DHX37: variants seen among roughly 807,000 people sequenced by gnomAD.
DHX37 encodes the protein probable ATP-dependent RNA helicase DHX37.
A neutral mutation model predicts 134.3 loss-of-function variants in DHX37; 52 were observed. That is an observed-to-expected ratio of 0.39 (90% CI 0.31 to 0.49). The LOEUF (loss-of-function observed/expected upper bound fraction) is 0.49, where lower values mean the gene tolerates loss of function less well. Among genes scored for constraint, DHX37 ranks in the 20% least tolerant of loss-of-function variants. The probability of loss-of-function intolerance (pLI) is 0.93; values close to 1 mark genes in which losing one functional copy is unlikely to be tolerated. For missense variants in DHX37, 1,344 were observed against 1,580.8 expected, an observed-to-expected ratio of 0.85 and a Z score of 2.54; for synonymous variants, 634 against 670.7, an observed-to-expected ratio of 0.95 and a Z score of 0.85.
At chr12:124,965,574 A>G (rs970794615) in intron 13 of DHX37, 94 bp downstream of exon 13, 66 of 1,462,768 alleles carry the variant, frequency 4.5e-5, no homozygotes, top group Non-Finnish European at 5.5e-5. Context: ...CAAAGCTGCT[A>G]GAACCCCGGC....
In DHX37 at chr12:124,957,770, G is replaced by A. The variant is rs932138938; in HGVS notation, c.2158-635C>T. 2.0e-5 allele frequency among the ~76,000 whole-genome samples: 3 copies of A among 152,290 alleles called. No individual in the cohort carries two copies. The East Asian group carries it at 5.8e-4, about 29-fold the overall frequency. ...CCACTGTACTCCAGCCTGGGTGACAGAGTGAGACCCCATCTCAAAATAGTA... is the reference window on the plus strand; with the variant it reads ...CCACTGTACTCCAGCCTGGGTGACAAAGTGAGACCCCATCTCAAAATAGTA... On this transcript the variant is annotated intron_variant, in intron 16 of 26. Transcript: ENST00000308736.
rs993217970 is a variant in DHX37, at chr12:124,956,016, A to G, written c.2453+675T>C. On this transcript the variant is annotated intron_variant, in intron 18 of 26. Coordinates refer to ENST00000308736, the MANE Select transcript of DHX37 (RefSeq NM_032656.4). ...TGTCCACCTAACTGCCTTCCCAACT[A>G]GTGTCTGCTCTGTCATCTGACAAGA... Among the ~76,000 whole-genome samples, 4 of 152,350 alleles carry G rather than the reference A, an allele frequency of 2.6e-5. No individual in the cohort carries two copies. In the East Asian group the frequency reaches 7.7e-4, roughly 29 times the overall value.
chr12:124,975,270 C>T (rs1477250839), intron 6 of DHX37, 149 bp downstream of exon 6: 3 of 807,084 alleles, frequency 3.7e-6, no homozygotes, highest in African/African-American at 3.4e-5. Context: ...AAAGTTCTCT[C>T]ACACAATGAT....
rs527595614 is a variant in DHX37, at chr12:124,964,636, G to A, written c.1813-10C>T. ...GTGGAGGCTTAAAGACCTAGGATTC[G>A]GGGAAGGGATGGCAGGAAAACACCA... is the stretch of plus-strand genomic sequence containing the variant. On this transcript the variant is annotated splice_polypyrimidine_tract_variant and intron_variant, in intron 14 of 26. Coordinates refer to ENST00000308736, the MANE Select transcript of DHX37 (RefSeq NM_032656.4). The A allele has an allele frequency of 2.6e-5, 41 of 1,605,910 alleles. No individual in the cohort carries two copies. Among genetic ancestry groups the A allele is most frequent in the African/African-American group, 4.0e-5 (3 of 74,262 alleles).
At chr12:124,964,368 C>T in intron 15 of DHX37, 26 bp downstream of exon 15, 1 of 1,610,798 alleles carries the variant, frequency 6.2e-7, no homozygotes, top group Non-Finnish European at 8.5e-7. Flanking sequence ...CACCAACGTC[C>T]CTGAGGAGGA....
intron 10 of DHX37, among the ~76,000 whole-genome samples, chr12:124,967,650 C>T (rs978571007): frequency 2.6e-5 from 4 of 152,212 alleles, no homozygotes; most frequent in Non-Finnish European, 4.4e-5. Context: ...AAGGACAGAG[C>T]ATCACGAAGC....
rs942761075 is a variant in DHX37 at position 124,982,407 on chromosome 12, G to T, written c.389+104C>A. 1.7e-5 allele frequency: 24 copies of T among 1,442,384 alleles called. No individual in the cohort carries two copies. In the African/African-American group the frequency reaches 3.3e-4, roughly 20 times the overall value. The allele number at this position is 1,442,384 out of a possible 1,614,324, so 89.3% of individuals were successfully genotyped here. A position where few individuals can be genotyped will look rare whatever the true frequency, so the allele number is the denominator to read the frequency against. On this transcript the variant is annotated intron_variant, in intron 3 of 26. Coordinates refer to ENST00000308736, the MANE Select transcript of DHX37 (RefSeq NM_032656.4). Reference sequence around the variant, plus strand: ...TTCAGCCACTCAGGCCACCATAAAGGTATTTTCTCAAATGTTCCACCCCCA... The same window carrying T: ...TTCAGCCACTCAGGCCACCATAAAGTTATTTTCTCAAATGTTCCACCCCCA...
intron 15 of DHX37, among the ~76,000 whole-genome samples, chr12:124,962,194 T>A (rs1344384697): frequency 1.3e-5 from 2 of 151,448 alleles, no homozygotes; most frequent in Admixed American, 1.3e-4. Flanking sequence ...AGCAACAGAG[T>A]GAGACTTTGT....
chr12:124,947,698 C>T lies in DHX37; in HGVS notation c.*104G>A. ...CAGGGCTTGACCCACTTCCTGAGAGCAGGCCACGAAGCCCATGCCAGGTGG... is the reference window on the plus strand; with the variant it reads ...CAGGGCTTGACCCACTTCCTGAGAGTAGGCCACGAAGCCCATGCCAGGTGG... On this transcript the variant is annotated 3_prime_UTR_variant, in exon 27 of 27. Coordinates refer to ENST00000308736, the MANE Select transcript of DHX37 (RefSeq NM_032656.4). 1.4e-6 allele frequency: 2 copies of T among 1,398,182 alleles called. No homozygotes were observed. Among genetic ancestry groups the T allele is most frequent in the Non-Finnish European group, 1.9e-6 (2 of 1,050,830 alleles). The allele number at this position is 1,398,182 out of a possible 1,614,324, so 86.6% of individuals were successfully genotyped here.
intron 7 of DHX37, among the ~76,000 whole-genome samples, chr12:124,971,795 AC>A (rs1397829631): frequency 6.6e-6 from 1 of 152,128 alleles, no homozygotes; most frequent in East Asian, 1.9e-4. Flanking sequence ...CAGCTTCTTC[AC>A]CAGACAGCAG....
intron 1 of DHX37, among the ~76,000 whole-genome samples, chr12:124,987,090 G>A (rs1195826095): frequency 1.3e-5 from 2 of 152,094 alleles, no homozygotes; most frequent in Non-Finnish European, 2.9e-5. Flanking sequence ...GCGCGGTGGC[G>A]CACGCCTGCA....
At position 124,989,026 on chromosome 12, in the gene DHX37, G is replaced by T; in HGVS notation, c.-4C>A. On this transcript the variant is annotated 5_prime_UTR_variant, in exon 1 of 27. Transcript: ENST00000308736. ...AGCGCCGGCGCAGCTTCCCCATGGCGACTAGGCCAGGGTGGGCGCTCCAGC... is the reference window on the plus strand; with the variant it reads ...AGCGCCGGCGCAGCTTCCCCATGGCTACTAGGCCAGGGTGGGCGCTCCAGC... 7.3e-7 allele frequency: 1 copy of T among 1,364,332 alleles called. No individual in the cohort carries two copies. Among genetic ancestry groups the T allele is most frequent in the Non-Finnish European group, 9.5e-7 (1 of 1,051,464 alleles). The allele number at this position is 1,364,332 out of a possible 1,614,324, so 84.5% of individuals were successfully genotyped here. A position where few individuals can be genotyped will look rare whatever the true frequency, so the allele number is the denominator to read the frequency against.
chr12:124,950,921 C>T, intron 21 of DHX37, 117 bp from the exon 22 acceptor site: 1 of 1,370,726 alleles, frequency 7.3e-7, no homozygotes, highest in Non-Finnish European at 9.5e-7. Context: ...TGGGAGAGTG[C>T]TCCATCTGCC....
intron 10 of DHX37, among the ~76,000 whole-genome samples, chr12:124,967,643 G>A (rs1954417962): frequency 6.6e-6 from 1 of 152,214 alleles, no homozygotes; most frequent in Non-Finnish European, 1.5e-5. Context: ...GCAGAGCAAG[G>A]ACAGAGCATC....
intron 15 of DHX37, among the ~76,000 whole-genome samples, chr12:124,961,195 C>CAT (rs1447689495): frequency 1.7e-5 from 2 of 120,032 alleles, no homozygotes; most frequent in Non-Finnish European, 3.6e-5. Context: ...CACGCACACA[C>CAT]ACACATACAC....
In DHX37 at chr12:124,960,298, G is replaced by A; in HGVS notation, c.2157+14C>T. ...CTGGGGTGGCTGAGAGCGGGGCTGG[G>A]GGCAGCAACTGACCTTTTCAACGTT... On this transcript the variant is annotated intron_variant, in intron 16 of 26. Transcript: ENST00000308736. 2 of 1,608,138 alleles carry A rather than the reference G, an allele frequency of 1.2e-6. No homozygotes were observed. The highest frequency in any genetic ancestry group is 1.7e-6 in the Non-Finnish European group (2 of 1,175,634).
At chr12:124,957,250 G>A (rs1317432304) in intron 16 of DHX37, 115 bp from the exon 17 acceptor site, 4 of 981,044 alleles carry the variant, frequency 4.1e-6, no homozygotes, top group Non-Finnish European at 4.2e-6. Context: ...CTCAGCTCAT[G>A]CCAGTGGGGA....
chr12:124,966,305 T>G (rs1179748109), intron 12 of DHX37, among the ~76,000 whole-genome samples: 1 of 152,184 alleles, frequency 6.6e-6, no homozygotes, highest in African/African-American at 2.4e-5. Flanking sequence ...TGACCTCAGG[T>G]GATCCACCTG....
chr12:124,959,263 CG>C (rs1231455244), intron 16 of DHX37, among the ~76,000 whole-genome samples: 1 of 151,946 alleles, frequency 6.6e-6, no homozygotes, highest in Non-Finnish European at 1.5e-5. Context: ...TTACTAGAGA[CG>C]GGGTTTCACC....
Sources: allele counts gnomAD v4.1 joint callset (sites outside exome capture counted in the v4.1 genomes callset), GRCh38; gene constraint gnomAD v4.1.1; transcripts MANE v1.5; gene names NCBI Gene and HGNC (gene_info 2026-07-23, HGNC 2026-07-21).